The following KIR3DL2 variants were observed in gnomAD, a reference collection of about 807,000 sequenced individuals.
KIR3DL2 encodes the protein killer cell immunoglobulin like receptor, three Ig domains and long cytoplasmic tail 2, also known as killer cell immunoglobulin-like receptor 3DL2.
Under a neutral mutation model 41.6 loss-of-function variants are expected in KIR3DL2, and 42 were observed. The observed-to-expected ratio is 1.01, with a 90% CI of 0.79 to 1.31. KIR3DL2 has a LOEUF of 1.31. KIR3DL2 is among the 50% of genes most tolerant of loss of function. The pLI, the probability that KIR3DL2 is intolerant of heterozygous loss-of-function variation, is 0.00. For synonymous variants in KIR3DL2, 230 were observed against 221.3 expected (o/e 1.04, Z -0.35); for missense variants, 728 against 576.8 (o/e 1.26, Z -2.68).
At chr19:54,859,728 A>G (rs1227589213) in intron 6 of KIR3DL2, among the ~76,000 whole-genome samples, 5 of 151,848 alleles carry the variant, frequency 3.3e-5, no homozygotes. Flanking sequence ...TTATTTAATT[A>G]TCTTACAGTG....
chr19:54,866,317 T>C (rs2065511004), intron 7 of KIR3DL2, 53 bp from the exon 8 acceptor site: 1 of 1,595,888 alleles, frequency 6.3e-7, no homozygotes, highest in Non-Finnish European at 8.6e-7. Flanking sequence ...GCCCATGAAA[T>C]GAGGACCCAG....
intron 5 of KIR3DL2, among the ~76,000 whole-genome samples, chr19:54,857,820 A>T (rs1296554571): frequency 6.6e-6 from 1 of 151,724 alleles, no homozygotes; most frequent in African/African-American, 2.4e-5. Context: ...TGCTGGAATT[A>T]CAGGCGTGAG....
At position 54,852,111 on chromosome 19, in the gene KIR3DL2, AAAG is replaced by A. The variant is rs1457728232; in HGVS notation, c.189_191del (p.Glu63del). ...TGGGTTTAACAATTTCATGCTGTAC[AAAG>A]AAGACAGAAGCCACGTTCCCATCTT... On this transcript the variant is annotated inframe_deletion, in exon 3 of 9. Transcript: ENST00000326321. 4.3e-6 allele frequency: 7 copies of A among 1,612,994 alleles called. No individual in the cohort carries two copies. In the East Asian group the frequency reaches 1.3e-4, roughly 31 times the overall value.
intron 6 of KIR3DL2, among the ~76,000 whole-genome samples, chr19:54,864,413 T>A (rs1335335415): frequency 2.0e-5 from 3 of 152,244 alleles, no homozygotes; most frequent in African/African-American, 7.2e-5. Context: ...GGTAGCTTGA[T>A]GGGGATGGCA....
chr19:54,866,236 A>C, intron 7 of KIR3DL2, 134 bp from the exon 8 acceptor site: 1 of 855,996 alleles, frequency 1.2e-6, no homozygotes, highest in African/African-American at 1.7e-5. Context: ...GAGAGATAGA[A>C]TGTCTGAGTC....
intron 6 of KIR3DL2, among the ~76,000 whole-genome samples, chr19:54,861,716 A>G (rs996604008): frequency 5.9e-5 from 9 of 151,560 alleles, no homozygotes; most frequent in African/African-American, 1.7e-4. Flanking sequence ...CTGAATTCCA[A>G]TCATCATTTT....
chr19:54,860,756 C>T (rs2065113469), intron 6 of KIR3DL2, among the ~76,000 whole-genome samples: 1 of 143,718 alleles, frequency 7.0e-6, no homozygotes. Context: ...ATATTTGTGA[C>T]ATTAATGAAA....
At chr19:54,859,026 A>G in intron 5 of KIR3DL2, 53 bp from the exon 6 acceptor site, 7 of 1,559,096 alleles carry the variant, frequency 4.5e-6, no homozygotes, top group Non-Finnish European at 6.2e-6. Context: ...ATTTCCATTG[A>G]GTAGAGGACA....
At chr19:54,855,186 A>G (rs1422854684) in intron 4 of KIR3DL2, among the ~76,000 whole-genome samples, 4 of 151,484 alleles carry the variant, frequency 2.6e-5, no homozygotes, top group African/African-American at 9.8e-5. Context: ...TACATAGATG[A>G]TTGATGGATA....
chr19:54,866,190 A>G (rs908030386), intron 7 of KIR3DL2, among the ~76,000 whole-genome samples, 180 bp from the exon 8 acceptor site: 2 of 152,088 alleles, frequency 1.3e-5, no homozygotes, highest in African/African-American at 4.8e-5. Context: ...TGGGATGCCA[A>G]TTGAGAGCAC....
intron 6 of KIR3DL2, among the ~76,000 whole-genome samples, chr19:54,860,150 C>G (rs1219078539): frequency 4.6e-5 from 7 of 151,928 alleles, no homozygotes; most frequent in Non-Finnish European, 7.4e-5. Context: ...TGTAAAATAA[C>G]ATATTCACAA....
chr19:54,866,724 T>C lies in KIR3DL2; in HGVS notation c.1361T>C (p.Val454Ala), dbSNP rs1255023083. 3 of 1,612,122 alleles carry C rather than the reference T, an allele frequency of 1.9e-6. No individual in the cohort carries two copies. The highest frequency in any genetic ancestry group is 1.7e-5 in the Admixed American group (1 of 59,752). The part of the protein sequence containing the change: ...PRAPQSGLEG[V>A]F The stretch of plus-strand genomic sequence containing the variant: ...GCACCACAGTCAGGTCTTGAGGGGG[T>C]TTTCTAGGGAGACAACAGCCCTGTC... The change falls in exon 9 of 9, where the codon GTT (valine) becomes GCT (alanine). Residue 454 changes from valine to alanine, a missense_variant. Physicochemically the swap from Val to Ala is moderately conservative, Grantham distance 64. Transcript: ENST00000326321.
intron 4 of KIR3DL2, 137 bp from the exon 5 acceptor site, chr19:54,855,482 G>A (rs1342265474): frequency 4.5e-6 from 6 of 1,335,096 alleles, no homozygotes; most frequent in African/African-American, 1.5e-5. Context: ...AAATAGACAT[G>A]AAGAGAGTTG....
chr19:54,860,425 C>A (rs1390343298), intron 6 of KIR3DL2, among the ~76,000 whole-genome samples: 1 of 152,126 alleles, frequency 6.6e-6, no homozygotes, highest in South Asian at 2.1e-4. Flanking sequence ...GGCTAGAGTG[C>A]GGTGGCATGA....
chr19:54,857,389 C>A (rs1184462047), intron 5 of KIR3DL2, among the ~76,000 whole-genome samples: 1 of 151,214 alleles, frequency 6.6e-6, no homozygotes, highest in Non-Finnish European at 1.5e-5. Context: ...CTATGCCCAG[C>A]CTCCTTTTAG....
At chr19:54,859,982 C>T (rs748444192) in intron 6 of KIR3DL2, among the ~76,000 whole-genome samples, 2 of 151,884 alleles carry the variant, frequency 1.3e-5, no homozygotes, top group African/African-American at 4.8e-5. Context: ...GAATGCTGCT[C>T]TCCCTTCTTG....
intron 7 of KIR3DL2, 136 bp downstream of exon 7, chr19:54,866,045 A>G (rs896124863): frequency 2.4e-6 from 2 of 831,848 alleles, no homozygotes; most frequent in Admixed American, 2.4e-5. Context: ...GGCTTTCTAG[A>G]GAGAGCACCA....
chr19:54,859,281 C>A, intron 6 of KIR3DL2, 152 bp downstream of exon 6: 1 of 858,008 alleles, frequency 1.2e-6, no homozygotes, highest in Non-Finnish European at 1.9e-6. Flanking sequence ...TGAAAGGGAT[C>A]TAGGGCCACC....
intron 3 of KIR3DL2, among the ~76,000 whole-genome samples, chr19:54,852,582 C>A (rs2064371993): frequency 1.3e-5 from 2 of 150,452 alleles, no homozygotes; most frequent in Non-Finnish European, 3.0e-5. Context: ...GACTGTCCTG[C>A]TGGGCTCAGT....
Sources: gnomAD v4.1 joint callset for allele counts (sites outside exome capture counted in the v4.1 genomes callset) on GRCh38, gnomAD v4.1.1 for gene constraint, MANE v1.5 for transcripts, NCBI Gene and HGNC (gene_info 2026-07-23, HGNC 2026-07-21) for gene names.